The following LINGO2 variants were observed in gnomAD, a reference collection of about 807,000 sequenced individuals.
LINGO2 encodes leucine rich repeat and Ig domain containing 2.
A neutral mutation model predicts 30.6 loss-of-function variants in LINGO2; 14 were observed. The observed-to-expected ratio is 0.46, with a 90% CI of 0.30 to 0.72. The LOEUF (loss-of-function observed/expected upper bound fraction) is 0.72, where lower values mean the gene tolerates loss of function less well. Among genes scored for constraint, LINGO2 ranks in the 30% least tolerant of loss-of-function variants. The pLI is 0.07. For missense variants in LINGO2, 729 were observed against 751.7 expected, an observed-to-expected ratio of 0.97 and a Z score of 0.35; for synonymous variants, 317 against 288.5, an observed-to-expected ratio of 1.10 and a Z score of -1.00.
chr9:28,234,547 C>T (rs1821489370), intron 4 of LINGO2, among the ~76,000 whole-genome samples: 1 of 152,196 alleles, frequency 6.6e-6, no homozygotes, highest in Non-Finnish European at 1.5e-5. Context: ...CATCAGCTAC[C>T]AGCATGGCTA....
the LINGO2 span, among the ~76,000 whole-genome samples, chr9:28,679,088 C>CA: frequency 6.6e-6 from 1 of 151,996 alleles, no homozygotes; most frequent in African/African-American, 2.4e-5. Context: ...TTTCTCAACT[C>CA]AAAGATATTT....
At chr9:29,137,839 A>G in the LINGO2 span, among the ~76,000 whole-genome samples, 1 of 152,132 alleles carries the variant, frequency 6.6e-6, no homozygotes, top group African/African-American at 2.4e-5. Context: ...GTTATATGAT[A>G]TGAGGCAAGG....
At chr9:28,703,062 A>G in the LINGO2 span, among the ~76,000 whole-genome samples, 2 of 151,346 alleles carry the variant, frequency 1.3e-5, no homozygotes, top group East Asian at 1.9e-4. Context: ...TCATCTTTTG[A>G]AAAACTACGT....
the LINGO2 span, among the ~76,000 whole-genome samples, chr9:28,817,390 G>A: frequency 2.0e-5 from 3 of 152,184 alleles, no homozygotes; most frequent in Non-Finnish European, 4.4e-5. Flanking sequence ...GGCAGGTATA[G>A]AGATGTAACA....
intron 2 of LINGO2, among the ~76,000 whole-genome samples, chr9:28,397,842 C>T (rs373741408): frequency 1.1e-4 from 16 of 152,088 alleles, no homozygotes; most frequent in Middle Eastern, 3.2e-3. Flanking sequence ...CCACCATACC[C>T]GGCCAATAGA....
chr9:29,121,642 A>T, the LINGO2 span, among the ~76,000 whole-genome samples: 1 of 152,084 alleles, frequency 6.6e-6, no homozygotes, highest in East Asian at 1.9e-4. Context: ...ATTTACCAGA[A>T]ATTAAGATCA....
chr9:28,177,768 T>C (rs766618014), intron 4 of LINGO2, among the ~76,000 whole-genome samples: 15 of 152,144 alleles, frequency 9.9e-5, no homozygotes, highest in Non-Finnish European at 2.2e-4. Flanking sequence ...CTCTCATTCT[T>C]AACAAAAATT....
chr9:28,462,771 A>G (rs1049068013), intron 2 of LINGO2, among the ~76,000 whole-genome samples: 1 of 152,100 alleles, frequency 6.6e-6, no homozygotes, highest in South Asian at 2.1e-4. Flanking sequence ...CAGTGGCTCA[A>G]TGAAGTAATG....
chr9:28,690,689 A>G, the LINGO2 span, among the ~76,000 whole-genome samples: 1 of 152,082 alleles, frequency 6.6e-6, no homozygotes, highest in Non-Finnish European at 1.5e-5. Flanking sequence ...TCCTCTTTCT[A>G]TAGTCTTCTA....
the LINGO2 span, among the ~76,000 whole-genome samples, chr9:28,794,191 C>T: frequency 6.6e-6 from 1 of 152,132 alleles, no homozygotes; most frequent in Non-Finnish European, 1.5e-5. Context: ...GTAGTCCCAG[C>T]TACTCAGGAG....
intron 4 of LINGO2, among the ~76,000 whole-genome samples, chr9:28,014,313 AAT>A (rs1372025818): frequency 6.6e-6 from 1 of 152,210 alleles, no homozygotes; most frequent in Non-Finnish European, 1.5e-5. Flanking sequence ...ATAATTGCAT[AAT>A]AGTCTCTTGA....
At chr9:28,855,814 T>G in the LINGO2 span, among the ~76,000 whole-genome samples, 18 of 152,186 alleles carry the variant, frequency 1.2e-4, no homozygotes, top group Non-Finnish European at 1.9e-4. Flanking sequence ...CCAGACCGGT[T>G]AAGGCAATTC....
intron 4 of LINGO2, among the ~76,000 whole-genome samples, chr9:28,236,971 C>T (rs1821589446): frequency 6.6e-6 from 1 of 151,978 alleles, no homozygotes; most frequent in Non-Finnish European, 1.5e-5. Flanking sequence ...TTATGCATTG[C>T]ATGTCTATAC....
At chr9:27,964,665 T>C (rs1820009875) in intron 5 of LINGO2, among the ~76,000 whole-genome samples, 1 of 152,092 alleles carries the variant, frequency 6.6e-6, no homozygotes, top group Non-Finnish European at 1.5e-5. Flanking sequence ...TGTTATTTAA[T>C]TGGAACTGTG....
At chr9:28,057,714 C>T (rs541416701) in intron 4 of LINGO2, among the ~76,000 whole-genome samples, 3 of 143,200 alleles carry the variant, frequency 2.1e-5, no homozygotes, top group East Asian at 1.9e-4. Context: ...ATCAAGAATA[C>T]GTTCATGTTA....
the LINGO2 span, among the ~76,000 whole-genome samples, chr9:28,879,076 C>CA: frequency 1.3e-5 from 2 of 152,070 alleles, no homozygotes; most frequent in Non-Finnish European, 1.5e-5. Flanking sequence ...CATGATTGTA[C>CA]AACTAGAAAA....
chr9:27,975,396 TGGG>T (rs879867567), intron 5 of LINGO2, among the ~76,000 whole-genome samples: 4 of 149,546 alleles, frequency 2.7e-5, no homozygotes, highest in Non-Finnish European at 4.5e-5. Context: ...GTGGGGTAAA[TGGG>T]GGGGCTGGGG....
At chr9:28,447,019 C>G (rs769708612) in intron 2 of LINGO2, among the ~76,000 whole-genome samples, 23 of 152,194 alleles carry the variant, frequency 1.5e-4, no homozygotes, top group Non-Finnish European at 1.6e-4. Context: ...TGCCCTCCCC[C>G]TCAGTGCCCA....
intron 4 of LINGO2, among the ~76,000 whole-genome samples, chr9:28,245,177 T>A (rs562693499): frequency 9.2e-5 from 14 of 152,186 alleles, no homozygotes; most frequent in African/African-American, 3.4e-4. Flanking sequence ...ACGTAATCCA[T>A]CACACAAACT....
Sources: allele counts gnomAD v4.1 joint callset (sites outside exome capture counted in the v4.1 genomes callset), GRCh38; gene constraint gnomAD v4.1.1; transcripts MANE v1.5; gene names NCBI Gene and HGNC (gene_info 2026-07-23, HGNC 2026-07-21).